Variants in ASB17 observed in about 807,000 individuals in gnomAD.
The protein encoded by ASB17 is ankyrin repeat and SOCS box protein 17.
In ASB17, 26 loss-of-function variants were observed where a neutral mutation model predicts 25.7. The observed-to-expected ratio is 1.01, with a 90% CI of 0.74 to 1.40. The LOEUF (loss-of-function observed/expected upper bound fraction) is 1.40, where lower values mean the gene tolerates loss of function less well. Ranked by LOEUF, ASB17 falls within the 40% of genes most tolerant of loss-of-function variation. The pLI, the probability that ASB17 is intolerant of heterozygous loss-of-function variation, is 0.00. For missense variants in ASB17, 326 were observed against 338.5 expected, an observed-to-expected ratio of 0.96 and a Z score of 0.29; for synonymous variants, 128 against 121.4, an observed-to-expected ratio of 1.05 and a Z score of -0.36.
intron 1 of ASB17, 35 bp from the exon 2 acceptor site, chr1:75,922,394 T>G: frequency 1.4e-6 from 2 of 1,466,290 alleles, no homozygotes; most frequent in Non-Finnish European, 1.8e-6. Context: ...TCATTGGATA[T>G]AGAATTAAGA....
chr1:75,922,009 TCTTTC>T, intron 2 of ASB17, 66 bp downstream of exon 2: 3 of 1,291,968 alleles, frequency 2.3e-6, no homozygotes, highest in Non-Finnish European at 3.2e-6. Context: ...TTAACTGTAT[TCTTTC>T]CTTTACAGTT....
At chr1:75,928,390 A>G (rs557047259) in intron 1 of ASB17, among the ~76,000 whole-genome samples, 2 of 152,200 alleles carry the variant, frequency 1.3e-5, no homozygotes, top group Non-Finnish European at 2.9e-5. Context: ...TTAGCCACCT[A>G]CAATCTGTCA....
At chr1:75,930,357 T>C (rs1313884496) in intron 1 of ASB17, among the ~76,000 whole-genome samples, 1 of 142,544 alleles carries the variant, frequency 7.0e-6, no homozygotes, top group Non-Finnish European at 1.5e-5. Context: ...TAAATATAAA[T>C]ATAAATATAT....
chr1:75,926,602 T>G (rs961854658), intron 1 of ASB17, among the ~76,000 whole-genome samples: 4 of 152,170 alleles, frequency 2.6e-5, no homozygotes, highest in African/African-American at 7.2e-5. Flanking sequence ...GACAAGCCAT[T>G]GGAGGTTTTG....
chr1:75,927,398 A>G (rs1403019855), intron 1 of ASB17, among the ~76,000 whole-genome samples: 2 of 152,140 alleles, frequency 1.3e-5, no homozygotes, highest in African/African-American at 2.4e-5. Flanking sequence ...TAGATCCTCC[A>G]ATTCTGATCA....
chr1:75,932,393 G>T lies in ASB17; in HGVS notation c.-102C>A. The T allele has an allele frequency of 9.3e-7, 1 of 1,080,372 alleles. No homozygotes were observed. Among genetic ancestry groups the T allele is most frequent in the Non-Finnish European group, 1.3e-6 (1 of 755,954 alleles). 66.9% of individuals were successfully genotyped at this position (1,080,372 alleles called of 1,614,324 possible). On this transcript the variant is annotated 5_prime_UTR_variant, in exon 1 of 3. It adds an upstream start codon to the 5' untranslated region. Transcript: ENST00000284142. Reference sequence around the variant, plus strand: ...TGTGGCAGGCTTTACTCCACAAACAGAAGTGCCCTTTAAACTGTAACCAGA... The same window carrying T: ...TGTGGCAGGCTTTACTCCACAAACATAAGTGCCCTTTAAACTGTAACCAGA...
intron 2 of ASB17, among the ~76,000 whole-genome samples, chr1:75,919,363 G>A (rs1004363327): frequency 1.2e-4 from 18 of 151,512 alleles, no homozygotes; most frequent in African/African-American, 3.4e-4. Context: ...TAATCTATAT[G>A]TCTAAGGACA....
intron 1 of ASB17, among the ~76,000 whole-genome samples, chr1:75,930,492 G>C (rs931964003): frequency 1.3e-5 from 2 of 151,810 alleles, no homozygotes; most frequent in Non-Finnish European, 2.9e-5. Context: ...ACCAGTTGCT[G>C]TCCAGGGTAA....
At chr1:75,921,739 A>C (rs1653033160) in intron 2 of ASB17, among the ~76,000 whole-genome samples, 1 of 152,144 alleles carries the variant, frequency 6.6e-6, no homozygotes, top group Non-Finnish European at 1.5e-5. Flanking sequence ...TTATTTTGAA[A>C]TATTCTGTTG....
intron 1 of ASB17, among the ~76,000 whole-genome samples, chr1:75,930,361 A>AATAT (rs5775314): frequency 1.4e-5 from 2 of 145,292 alleles, no homozygotes; most frequent in East Asian, 2.0e-4. Context: ...TATAAATATA[A>AATAT]ATATATATAT....
chr1:75,931,723 G>T (rs769527594), intron 1 of ASB17, among the ~76,000 whole-genome samples, 168 bp downstream of exon 1: 2 of 152,024 alleles, frequency 1.3e-5, no homozygotes, highest in Non-Finnish European at 2.9e-5. Context: ...AATAAAAATG[G>T]AATACATAAT....
chr1:75,930,233 G>C (rs1368598034), intron 1 of ASB17, among the ~76,000 whole-genome samples: 1 of 146,732 alleles, frequency 6.8e-6, no homozygotes, highest in East Asian at 2.0e-4. Flanking sequence ...TATATGACTA[G>C]TTATATTTAT....
At chr1:75,925,612 T>C (rs961360750) in intron 1 of ASB17, among the ~76,000 whole-genome samples, 1 of 152,164 alleles carries the variant, frequency 6.6e-6, no homozygotes, top group African/African-American at 2.4e-5. Context: ...GCAGTACTTA[T>C]ATGGATGAAG....
At chr1:75,931,338 A>G (rs916088971) in intron 1 of ASB17, among the ~76,000 whole-genome samples, 13 of 152,204 alleles carry the variant, frequency 8.5e-5, no homozygotes, top group African/African-American at 3.1e-4. Flanking sequence ...AGTAGTATGC[A>G]TTAGGTAGAT....
chr1:75,924,961 A>C (rs751023548), intron 1 of ASB17, among the ~76,000 whole-genome samples: 2 of 152,034 alleles, frequency 1.3e-5, no homozygotes, highest in Non-Finnish European at 2.9e-5. Context: ...TCTTTTGGAA[A>C]ACTTATTTAA....
chr1:75,927,338 T>C (rs1386884234), intron 1 of ASB17, among the ~76,000 whole-genome samples: 2 of 152,072 alleles, frequency 1.3e-5, no homozygotes, highest in Non-Finnish European at 2.9e-5. Context: ...TAATACAACT[T>C]TCGACCACTC....
chr1:75,921,763 T>C (rs755498620), intron 2 of ASB17, among the ~76,000 whole-genome samples: 8 of 152,174 alleles, frequency 5.3e-5, no homozygotes, highest in Non-Finnish European at 8.8e-5. Context: ...AGGAAGTCTG[T>C]TAAATTTTTT....
At chr1:75,924,607 T>G (rs780687652) in intron 1 of ASB17, among the ~76,000 whole-genome samples, 1 of 152,146 alleles carries the variant, frequency 6.6e-6, no homozygotes, top group Non-Finnish European at 1.5e-5. Flanking sequence ...ATATGTATTA[T>G]TTCCTGTATC....
At chr1:75,929,999 G>T (rs1191177685) in intron 1 of ASB17, among the ~76,000 whole-genome samples, 1 of 151,798 alleles carries the variant, frequency 6.6e-6, no homozygotes, top group Non-Finnish European at 1.5e-5. Flanking sequence ...TCAGTATTCC[G>T]CTTTGTTTCT....
Sources: gnomAD v4.1 joint callset for allele counts (sites outside exome capture counted in the v4.1 genomes callset) on GRCh38, gnomAD v4.1.1 for gene constraint, MANE v1.5 for transcripts, NCBI Gene and HGNC (gene_info 2026-07-23, HGNC 2026-07-21) for gene names.